Variants in PPIF observed in about 807,000 individuals in gnomAD.
PPIF encodes the protein peptidyl-prolyl cis-trans isomerase F, mitochondrial.
In PPIF, 23 loss-of-function variants were observed where a neutral mutation model predicts 20.2. The observed-to-expected ratio is 1.14, with a 90% CI of 0.82 to 1.61. PPIF has a LOEUF of 1.61. PPIF is among the 40% of genes most tolerant of loss of function. The probability of loss-of-function intolerance (pLI) is 0.00; values close to 1 mark genes in which losing one functional copy is unlikely to be tolerated. For synonymous variants in PPIF, 113 were observed against 123.1 expected (o/e 0.92, Z 0.54); for missense variants, 287 against 291.6 (o/e 0.98, Z 0.11).
intron 5 of PPIF, among the ~76,000 whole-genome samples, chr10:79,352,593 G>T (rs1260522927): frequency 6.6e-6 from 1 of 152,236 alleles, no homozygotes. Flanking sequence ...CTGCAACTCT[G>T]TCATGGTTCG....
At chr10:79,352,469 C>A in intron 5 of PPIF, 77 bp downstream of exon 5, 3 of 1,475,456 alleles carry the variant, frequency 2.0e-6, no homozygotes, top group Admixed American at 1.7e-5. Context: ...CTTTTAGGGG[C>A]AGGCAGTTTA....
In PPIF at chr10:79,349,181, A is replaced by G. The variant is rs1589646022; in HGVS notation, c.226+75A>G. 5.6e-6 allele frequency: 9 copies of G among 1,612,288 alleles called. No homozygotes were observed. In the East Asian group the frequency reaches 2.0e-4, roughly 36 times the overall value. On this transcript the variant is annotated intron_variant, in intron 2 of 5. Coordinates refer to ENST00000225174, the MANE Select transcript of PPIF (RefSeq NM_005729.4). The stretch of plus-strand genomic sequence containing the variant: ...CAGGCAGGGCAAGGTGGGTGGCGTG[A>G]TGAGAAGAGTCGGGGCTCAGAGACC...
intron 3 of PPIF, 88 bp downstream of exon 3, chr10:79,349,841 G>C: frequency 6.3e-7 from 1 of 1,581,528 alleles, no homozygotes; most frequent in South Asian, 1.1e-5. Flanking sequence ...GGAAGGTGCT[G>C]AGCAGAGCAG....
chr10:79,351,472 G>T lies in PPIF; in HGVS notation c.316-15G>T. 2 of 1,613,650 alleles carry T rather than the reference G, an allele frequency of 1.2e-6. No individual in the cohort carries two copies. Among genetic ancestry groups the T allele is most frequent in the Non-Finnish European group, 1.7e-6 (2 of 1,179,676 alleles). ...GCTCCATGGTAGCCACTCAGAAGGT[G>T]CTTTGTGCTCACAGGCGGGCGACTT... is the stretch of plus-strand genomic sequence containing the variant. On this transcript the variant is annotated splice_polypyrimidine_tract_variant and intron_variant, in intron 3 of 5. Coordinates refer to ENST00000225174, the MANE Select transcript of PPIF (RefSeq NM_005729.4).
At position 79,353,781 on chromosome 10, in the gene PPIF, G is replaced by C. The variant is rs749372184; in HGVS notation, c.563G>C (p.Gly188Ala). 2.5e-6 allele frequency: 4 copies of C among 1,614,244 alleles called. No individual in the cohort carries two copies. The highest frequency in any genetic ancestry group is 1.7e-6 in the Non-Finnish European group (2 of 1,180,050). ...MDVVKKIESF[G>A]SKSGRTSKKI... ...GTCGTGAAGAAAATAGAATCTTTCG[G>C]CTCTAAGAGTGGGAGGACATCCAAG... Residue 188 changes from glycine to alanine, a missense_variant, in exon 6 of 6, where the codon GGC (glycine) becomes GCC (alanine). Gly to Ala is a moderately conservative substitution (Grantham distance 60). Coordinates refer to ENST00000225174, the MANE Select transcript of PPIF (RefSeq NM_005729.4).
rs750620678 is a variant in PPIF, at chr10:79,351,489, G to A, written c.318G>A (p.Ala106=). ...HRVIPSFMCQ[A]GDFTNHNGTG... ...CAGAAGGTGCTTTGTGCTCACAGGC[G>A]GGCGACTTCACCAACCACAATGGCA... The change falls in exon 4 of 6, where the codon GCG becomes GCA. Residue 106 remains alanine (A), a splice_region_variant and synonymous_variant. Coordinates refer to ENST00000225174, the MANE Select transcript of PPIF (RefSeq NM_005729.4). 6.8e-6 allele frequency: 11 copies of A among 1,613,756 alleles called. No individual in the cohort carries two copies. The highest frequency in any genetic ancestry group is 5.3e-5 in the African/African-American group (4 of 74,944).
chr10:79,349,896 T>C, intron 3 of PPIF, 143 bp downstream of exon 3: 1 of 1,472,856 alleles, frequency 6.8e-7, no homozygotes. Context: ...GCATTAGCCC[T>C]GTATCCAGGC....
At chr10:79,349,169 G>A (rs184510542) in intron 2 of PPIF, 63 bp downstream of exon 2, 1 of 1,613,086 alleles carries the variant, frequency 6.2e-7, no homozygotes, top group East Asian at 2.2e-5. Context: ...GCAGGGCAAG[G>A]TGGGTGGCGT....
In PPIF at chr10:79,351,538, A is replaced by G; in HGVS notation, c.367A>G (p.Ser123Gly). The G allele has an allele frequency of 6.2e-7, 1 of 1,614,110 alleles. No homozygotes were observed. The change falls in exon 4 of 6, where the codon AGC (serine) becomes GGC (glycine). Residue 123 changes from serine (S) to glycine (G), a missense_variant. By Grantham distance (56) the Ser-to-Gly change is moderately conservative. Coordinates refer to ENST00000225174, the MANE Select transcript of PPIF (RefSeq NM_005729.4). The part of the protein sequence containing the change: ...NGTGGKSIYG[S>G]RFPDENFTLK... The stretch of plus-strand genomic sequence containing the variant: ...CACAGGCGGGAAGTCCATCTACGGA[A>G]GCCGCTTTCCTGACGAGAACTTTAC...
Position 79,347,565 on chromosome 10 carries a change from G to GC in PPIF, c.18dup (p.Gly7ArgfsTer70), listed in dbSNP as rs1338622429. 7.4e-7 allele frequency: 1 copy of GC among 1,350,916 alleles called. No individual in the cohort carries two copies. The highest frequency in any genetic ancestry group is 9.5e-7 in the Non-Finnish European group (1 of 1,052,832). 83.7% of individuals were successfully genotyped at this position (1,350,916 alleles called of 1,614,324 possible). ...GCGCCCGCGATGCTGGCGCTGCGCT[G>GC]CGGCTCCCGCTGGCTCGGCCTGCTC... On this transcript the variant is annotated frameshift_variant, in exon 1 of 6. Transcript: ENST00000225174. LOFTEE classifies it high-confidence loss of function.
chr10:79,349,515 G>A, intron 2 of PPIF, 150 bp from the exon 3 acceptor site: 1 of 1,406,150 alleles, frequency 7.1e-7, no homozygotes. Context: ...CAGTTACATA[G>A]CGAGTTGGGC....
At chr10:79,350,234 A>C (rs1213259752) in intron 3 of PPIF, among the ~76,000 whole-genome samples, 2 of 152,062 alleles carry the variant, frequency 1.3e-5, no homozygotes, top group African/African-American at 4.8e-5. Flanking sequence ...TTCTCGGTGA[A>C]ATGAATGTTT....
Position 79,353,138 on chromosome 10 carries a change from T to G in PPIF, c.489-569T>G, listed in dbSNP as rs539324755. Among the ~76,000 whole-genome samples, 3 of 152,316 alleles carry G rather than the reference T, an allele frequency of 2.0e-5. No homozygotes were observed. In the South Asian group the frequency reaches 6.2e-4, roughly 32 times the overall value. ...GATGTGGCCGGCAGGGCTGGGCAGGTCCTTGCTGGCTCAGCCTGCTCTTTG... is the reference window on the plus strand; with the variant it reads ...GATGTGGCCGGCAGGGCTGGGCAGGGCCTTGCTGGCTCAGCCTGCTCTTTG... On this transcript the variant is annotated intron_variant, in intron 5 of 5. Transcript: ENST00000225174.
chr10:79,349,047 C>G, intron 1 of PPIF, 29 bp from the exon 2 acceptor site: 1 of 1,613,842 alleles, frequency 6.2e-7, no homozygotes, highest in Non-Finnish European at 8.5e-7. Context: ...CAATGACCAT[C>G]CTCTTTTGTC....
chr10:79,349,735 C>T lies in PPIF; in HGVS notation c.297C>T (p.Ile99=), dbSNP rs781714065. The change falls in exon 3 of 6, where the codon ATC becomes ATT. Residue 99 remains isoleucine, a synonymous_variant. Transcript: ENST00000225174. ...GYKGSTFHRV[I]PSFMCQAGDF... is the part of the protein sequence containing the mutation. ...AAGGCTCCACCTTCCACAGGGTGAT[C>T]CCTTCCTTCATGTGCCAGGTAATGT... 2 of 1,614,050 alleles carry T rather than the reference C, an allele frequency of 1.2e-6. No individual in the cohort carries two copies. The highest frequency in any genetic ancestry group is 3.3e-5 in the Admixed American group (2 of 60,028).
chr10:79,348,961 G>A (rs1461996622), intron 1 of PPIF, 115 bp from the exon 2 acceptor site: 48 of 1,607,066 alleles, frequency 3.0e-5, no homozygotes, highest in South Asian at 2.1e-4. Flanking sequence ...GAATGTCCAC[G>A]TGCTTCTTCC....
At chr10:79,349,287 G>A (rs557840191) in intron 2 of PPIF, among the ~76,000 whole-genome samples, 181 bp downstream of exon 2, 1 of 152,258 alleles carries the variant, frequency 6.6e-6, no homozygotes, top group Non-Finnish European at 1.5e-5. Flanking sequence ...GGGCCTCAAC[G>A]TTGGCTCTGC....
In PPIF at chr10:79,352,416, C is replaced by T. The variant is rs757220358; in HGVS notation, c.488+24C>T. On this transcript the variant is annotated intron_variant, in intron 5 of 5. Transcript: ENST00000225174. The stretch of plus-strand genomic sequence containing the variant: ...TGGTGAGTTCCCTGCCCCAGGCCCT[C>T]TGGGAATGCGGGCAGCCTTGCAGCT... The T allele has an allele frequency of 2.9e-5, 46 of 1,605,910 alleles. No individual in the cohort carries two copies. The South Asian group carries it at 5.0e-4, about 17-fold the overall frequency.
At chr10:79,353,203 T>C (rs1277416613) in intron 5 of PPIF, among the ~76,000 whole-genome samples, 1 of 152,242 alleles carries the variant, frequency 6.6e-6, no homozygotes, top group East Asian at 1.9e-4. Context: ...AGTTCTGCTC[T>C]TGGCTGGAAC....
Sources: allele counts gnomAD v4.1 joint callset (sites outside exome capture counted in the v4.1 genomes callset), GRCh38; gene constraint gnomAD v4.1.1; transcripts MANE v1.5; gene names NCBI Gene and HGNC (gene_info 2026-07-23, HGNC 2026-07-21).